Variants in ST6GALNAC3 observed in about 807,000 individuals in gnomAD.
The protein encoded by ST6GALNAC3 is ST6 N-acetylgalactosaminide alpha-2,6-sialyltransferase 3, also known as alpha-N-acetylgalactosaminide alpha-2,6-sialyltransferase 3.
In ST6GALNAC3, 25 loss-of-function variants were observed where a neutral mutation model predicts 32.7. The observed-to-expected ratio is 0.76, with a 90% CI of 0.56 to 1.07. The LOEUF (loss-of-function observed/expected upper bound fraction) is 1.07, where lower values mean the gene tolerates loss of function less well. ST6GALNAC3 is among the 50% of genes least tolerant of loss of function. The pLI is 0.00. For synonymous variants in ST6GALNAC3, 129 were observed against 133.1 expected, an observed-to-expected ratio of 0.97 and a Z score of 0.21; for missense variants, 355 against 382.4, an observed-to-expected ratio of 0.93 and a Z score of 0.60.
chr1:76,408,508 T>A (rs1018373804), intron 2 of ST6GALNAC3, among the ~76,000 whole-genome samples: 5 of 152,106 alleles, frequency 3.3e-5, no homozygotes, highest in African/African-American at 1.2e-4. Context: ...ATGTTTGCCC[T>A]CAAGTTGTTA....
intron 1 of ST6GALNAC3, among the ~76,000 whole-genome samples, chr1:76,224,759 T>G (rs1279378514): frequency 6.6e-6 from 1 of 152,190 alleles, no homozygotes; most frequent in Non-Finnish European, 1.5e-5. Flanking sequence ...TAAAAAGTTC[T>G]CCATGGTAAG....
At chr1:76,302,407 G>A (rs1303389070) in intron 1 of ST6GALNAC3, among the ~76,000 whole-genome samples, 1 of 151,958 alleles carries the variant, frequency 6.6e-6, no homozygotes, top group Non-Finnish European at 1.5e-5. Context: ...TTCTTGCTGT[G>A]CCTTTCTGAA....
At chr1:76,556,120 C>T (rs562810973) in intron 3 of ST6GALNAC3, among the ~76,000 whole-genome samples, 1 of 152,234 alleles carries the variant, frequency 6.6e-6, no homozygotes, top group African/African-American at 2.4e-5. Context: ...CAAATGGAAT[C>T]ATACAGTACG....
chr1:76,508,393 G>A lies in ST6GALNAC3; in HGVS notation c.623+95976G>A, dbSNP rs555653554. Reference sequence around the variant, plus strand: ...ACAGGTACCGGTCTGTGGCCCTAGGGTTAGGGACTCCTGCCTTAGAGGAAT... The same window carrying A: ...ACAGGTACCGGTCTGTGGCCCTAGGATTAGGGACTCCTGCCTTAGAGGAAT... On this transcript the variant is annotated intron_variant, in intron 3 of 4. Transcript: ENST00000328299. 3.2e-4 allele frequency among the ~76,000 whole-genome samples: 49 copies of A among 152,276 alleles called. 2 individuals are homozygous for A. The South Asian group carries it at 0.01, about 32-fold the overall frequency.
intron 3 of ST6GALNAC3, among the ~76,000 whole-genome samples, chr1:76,421,338 T>C (rs1398989435): frequency 6.6e-6 from 1 of 152,072 alleles, no homozygotes; most frequent in Non-Finnish European, 1.5e-5. Flanking sequence ...TCTCTAGGGA[T>C]TTTGTGATTG....
intron 1 of ST6GALNAC3, among the ~76,000 whole-genome samples, chr1:76,158,440 G>A (rs778004410): frequency 2.6e-5 from 4 of 152,206 alleles, no homozygotes; most frequent in Admixed American, 1.3e-4. Flanking sequence ...TCTTCAGTCT[G>A]TAGGGCAGGT....
chr1:76,095,787 A>G (rs1647121125), intron 1 of ST6GALNAC3, among the ~76,000 whole-genome samples: 1 of 152,074 alleles, frequency 6.6e-6, no homozygotes, highest in Non-Finnish European at 1.5e-5. Flanking sequence ...TTTCCTTCCC[A>G]TCCTCTCAGT....
At chr1:76,092,039 A>G (rs1279648219) in intron 1 of ST6GALNAC3, among the ~76,000 whole-genome samples, 2 of 152,220 alleles carry the variant, frequency 1.3e-5, no homozygotes, top group Non-Finnish European at 2.9e-5. Context: ...GAGATCCTTC[A>G]GTTTTGACTG....
intron 1 of ST6GALNAC3, among the ~76,000 whole-genome samples, chr1:76,230,942 C>G (rs893028794): frequency 1.3e-5 from 2 of 152,238 alleles, no homozygotes; most frequent in African/African-American, 2.4e-5. Context: ...TATGCACGCA[C>G]ATTTGCAATG....
chr1:76,356,133 T>A (rs1649421336), intron 2 of ST6GALNAC3, among the ~76,000 whole-genome samples: 1 of 152,188 alleles, frequency 6.6e-6, no homozygotes, highest in Non-Finnish European at 1.5e-5. Flanking sequence ...TCACTCATTC[T>A]GAAAACTTGA....
At position 76,315,515 on chromosome 1, in the gene ST6GALNAC3, G is replaced by T. The variant is rs548805842; in HGVS notation, c.213+1516G>T. On this transcript the variant is annotated intron_variant, in intron 2 of 4. Coordinates refer to ENST00000328299, the MANE Select transcript of ST6GALNAC3 (RefSeq NM_152996.4). Reference sequence around the variant, plus strand: ...GTTATTTAATTAGTTCTATTAACTGGGCTATCTTTGAAATTATTTTGATGT... The same window carrying T: ...GTTATTTAATTAGTTCTATTAACTGTGCTATCTTTGAAATTATTTTGATGT... Among the ~76,000 whole-genome samples the T allele has an allele frequency of 2.6e-5, 4 of 152,116 alleles. No homozygotes were observed. In the South Asian group the frequency reaches 6.2e-4, roughly 24 times the overall value.
intron 1 of ST6GALNAC3, among the ~76,000 whole-genome samples, chr1:76,106,414 A>T (rs2706192): frequency 6.6e-6 from 1 of 152,162 alleles, no homozygotes; most frequent in South Asian, 2.1e-4. Context: ...TAACTTTGGA[A>T]ACTCTTTGCC....
chr1:76,098,299 C>A (rs1647167936), intron 1 of ST6GALNAC3, among the ~76,000 whole-genome samples: 1 of 152,144 alleles, frequency 6.6e-6, no homozygotes, highest in African/African-American at 2.4e-5. Flanking sequence ...ACTGCACGAT[C>A]ACAATGCTTT....
chr1:76,274,984 T>G (rs1441276909), intron 1 of ST6GALNAC3, among the ~76,000 whole-genome samples: 1 of 152,220 alleles, frequency 6.6e-6, no homozygotes, highest in Non-Finnish European at 1.5e-5. Flanking sequence ...TTCTGCTTTG[T>G]GTACTGAGTG....
At chr1:76,272,855 A>G (rs1319335063) in intron 1 of ST6GALNAC3, among the ~76,000 whole-genome samples, 3 of 152,176 alleles carry the variant, frequency 2.0e-5, no homozygotes, top group Non-Finnish European at 4.4e-5. Flanking sequence ...AGGAAGACTA[A>G]CAAAGAAGGC....
intron 3 of ST6GALNAC3, among the ~76,000 whole-genome samples, chr1:76,463,277 G>T (rs1198126376): frequency 6.6e-6 from 1 of 152,122 alleles, no homozygotes; most frequent in Admixed American, 6.6e-5. Flanking sequence ...GTAAATTGCG[G>T]GGGCTACATT....
intron 2 of ST6GALNAC3, among the ~76,000 whole-genome samples, chr1:76,398,823 G>A (rs1039328766): frequency 2.6e-5 from 4 of 152,134 alleles, no homozygotes; most frequent in Admixed American, 6.5e-5. Flanking sequence ...TTAATGAAAA[G>A]TTTACACTCC....
At chr1:76,387,668 T>TTAA (rs1206222823) in intron 2 of ST6GALNAC3, among the ~76,000 whole-genome samples, 1 of 152,130 alleles carries the variant, frequency 6.6e-6, no homozygotes, top group Admixed American at 6.5e-5. Context: ...TTATTTTGTC[T>TTAA]TAATAATAAT....
intron 1 of ST6GALNAC3, among the ~76,000 whole-genome samples, chr1:76,237,800 C>A (rs79274817): frequency 6.6e-6 from 1 of 152,100 alleles, no homozygotes; most frequent in Non-Finnish European, 1.5e-5. Context: ...TTGTTAAACA[C>A]CTATCATGTG....
Sources: gnomAD v4.1 joint callset for allele counts (sites outside exome capture counted in the v4.1 genomes callset) on GRCh38, gnomAD v4.1.1 for gene constraint, MANE v1.5 for transcripts, NCBI Gene and HGNC (gene_info 2026-07-23, HGNC 2026-07-21) for gene names.